Variants in IDE observed in about 807,000 individuals in gnomAD.
IDE encodes the protein insulin degrading enzyme, also known as insulin-degrading enzyme.
IDE carries 58 observed loss-of-function variants against 133.2 expected under a neutral mutation model. That is an observed-to-expected ratio of 0.44 (90% CI 0.35 to 0.54). The LOEUF (loss-of-function observed/expected upper bound fraction) is 0.54, where lower values mean the gene tolerates loss of function less well. Among genes scored for constraint, IDE ranks in the 20% least tolerant of loss-of-function variants. IDE has a pLI of 0.00. For missense variants in IDE, 981 were observed against 1,234.0 expected, an observed-to-expected ratio of 0.79 and a Z score of 3.07; for synonymous variants, 396 against 421.3, an observed-to-expected ratio of 0.94 and a Z score of 0.73.
chr10:92,557,580 C>A (rs1843071735), intron 1 of IDE, among the ~76,000 whole-genome samples: 1 of 151,606 alleles, frequency 6.6e-6, no homozygotes, highest in Non-Finnish European at 1.5e-5. Flanking sequence ...CAGAGTTAAA[C>A]CCTCACCTTT....
intron 14 of IDE, 174 bp from the exon 15 acceptor site, chr10:92,479,595 C>T (rs1337173853): frequency 1.7e-6 from 1 of 577,946 alleles, no homozygotes; most frequent in Non-Finnish European, 3.1e-6. Context: ...GAAAAAGAAG[C>T]CTGAAGTGTG....
rs1345592076 is a variant in IDE, at chr10:92,483,247, TTACA to T, written c.1739+4_1739+7del. 5.4e-6 allele frequency: 8 copies of T among 1,471,670 alleles called. No individual in the cohort carries two copies. In the African/African-American group the frequency reaches 1.1e-4, roughly 20 times the overall value. 91.2% of individuals were successfully genotyped at this position (1,471,670 alleles called of 1,614,324 possible). A position where few individuals can be genotyped will look rare whatever the true frequency, so the allele number is the denominator to read the frequency against. ...ATAAGCTTTATAAGCTAGATTCATC[TTACA>T]TACCTGAAAAATTCAAAGTTGAGAC... is the stretch of plus-strand genomic sequence containing the variant. On this transcript the variant is annotated splice_donor_5th_base_variant and intron_variant, in intron 14 of 24. Coordinates refer to ENST00000265986, the MANE Select transcript of IDE (RefSeq NM_004969.4).
chr10:92,540,679 T>C (rs995808566), intron 1 of IDE, among the ~76,000 whole-genome samples: 6 of 152,164 alleles, frequency 3.9e-5, no homozygotes, highest in Non-Finnish European at 8.8e-5. Context: ...ATGATGATGA[T>C]GGTCTAAAAC....
intron 1 of IDE, among the ~76,000 whole-genome samples, chr10:92,555,911 C>T (rs953012056): frequency 3.9e-5 from 6 of 152,236 alleles, no homozygotes; most frequent in African/African-American, 9.6e-5. Flanking sequence ...CGGTGGCTCA[C>T]GCCTGTAATC....
At chr10:92,573,484 TGAG>T (rs760278574) in intron 1 of IDE, among the ~76,000 whole-genome samples, 1 of 152,104 alleles carries the variant, frequency 6.6e-6, no homozygotes, top group Non-Finnish European at 1.5e-5. Context: ...GAGGGCAAGG[TGAG>T]AAGCGGTCCC....
Position 92,566,369 on chromosome 10 carries a change from A to T in IDE, c.98+7553T>A, listed in dbSNP as rs1843545118. Among the ~76,000 whole-genome samples, 3 of 150,500 alleles carry T rather than the reference A, an allele frequency of 2.0e-5. No homozygotes were observed. The South Asian group carries it at 6.3e-4, about 31-fold the overall frequency. Reference sequence around the variant, plus strand: ...ATCACGCCACTGCACTCCACCTAGGAGTGACAGAGTCAGACTCTATCTCTC... The same window carrying T: ...ATCACGCCACTGCACTCCACCTAGGTGTGACAGAGTCAGACTCTATCTCTC... On this transcript the variant is annotated intron_variant, in intron 1 of 24. Transcript: ENST00000265986.
At position 92,514,957 on chromosome 10, in the gene IDE, A is replaced by C; in HGVS notation, c.747T>G (p.Tyr249Ter). ...CACAAACAGCCATTAAGTTGGATGA[A>C]TAGTAAGCAGAATGGAATTTCAGTA... ...QELLKFHSAY[Y>*]SSNLMAVCVL... Residue 249 changes from tyrosine to a stop codon, truncating the protein, a stop_gained, in exon 5 of 25, where the codon TAT becomes TAG. Coordinates refer to ENST00000265986, the MANE Select transcript of IDE (RefSeq NM_004969.4). LOFTEE classifies it high-confidence loss of function. The C allele has an allele frequency of 1.2e-6, 2 of 1,613,088 alleles. No individual in the cohort carries two copies. The highest frequency in any genetic ancestry group is 1.7e-6 in the Non-Finnish European group (2 of 1,179,172).
intron 11 of IDE, among the ~76,000 whole-genome samples, chr10:92,499,521 C>T (rs1174852119): frequency 6.6e-6 from 1 of 152,292 alleles, no homozygotes; most frequent in African/African-American, 2.4e-5. Flanking sequence ...CAACCTCCAC[C>T]TCCTGGGCTC....
chr10:92,482,170 A>C (rs916250788), intron 14 of IDE, among the ~76,000 whole-genome samples: 41 of 152,308 alleles, frequency 2.7e-4, no homozygotes, highest in African/African-American at 9.9e-4. Flanking sequence ...CTCTAATTTC[A>C]TGTCAAGCCA....
chr10:92,455,464 G>A (rs1844943669), intron 24 of IDE, 112 bp downstream of exon 24: 10 of 690,286 alleles, frequency 1.4e-5, no homozygotes, highest in Non-Finnish European at 1.8e-5. Flanking sequence ...CTGGGTGACT[G>A]AGTGAGACTC....
chr10:92,515,093 T>C (rs752373488), intron 4 of IDE, 51 bp from the exon 5 acceptor site: 1 of 1,488,056 alleles, frequency 6.7e-7, no homozygotes, highest in Admixed American at 2.0e-5. Flanking sequence ...ATGTGGACTT[T>C]TAAAGTTTTG....
At chr10:92,512,144 G>C (rs1437442061) in intron 5 of IDE, among the ~76,000 whole-genome samples, 1 of 152,162 alleles carries the variant, frequency 6.6e-6, no homozygotes, top group African/African-American at 2.4e-5. Context: ...TGTGGCAAGT[G>C]TTCAGATAAT....
At chr10:92,551,624 A>C (rs181508765) in intron 1 of IDE, among the ~76,000 whole-genome samples, 39 of 152,086 alleles carry the variant, frequency 2.6e-4, no homozygotes, top group African/African-American at 8.4e-4. Flanking sequence ...CAAATACTAC[A>C]CAACTCCACT....
chr10:92,482,305 C>A (rs757456583), intron 14 of IDE, among the ~76,000 whole-genome samples: 6 of 152,074 alleles, frequency 3.9e-5, no homozygotes, highest in Non-Finnish European at 7.4e-5. Flanking sequence ...TATAAACTCA[C>A]AAAGTAAAAT....
intron 4 of IDE, among the ~76,000 whole-genome samples, chr10:92,523,301 A>G (rs748993953): frequency 5.3e-4 from 80 of 152,074 alleles, no homozygotes; most frequent in Non-Finnish European, 9.1e-4. Context: ...GAATCGTTTG[A>G]ACCCAGGAGA....
At chr10:92,552,014 ATTCT>A (rs1018161756) in intron 1 of IDE, among the ~76,000 whole-genome samples, 2 of 152,166 alleles carry the variant, frequency 1.3e-5, no homozygotes, top group Non-Finnish European at 2.9e-5. Flanking sequence ...TATGTTACAT[ATTCT>A]TTATCACAAT....
At chr10:92,465,642 A>T (rs1334269661) in intron 20 of IDE, 34 bp downstream of exon 20, 1 of 1,578,106 alleles carries the variant, frequency 6.3e-7, no homozygotes, top group Admixed American at 1.7e-5. Flanking sequence ...ATCAAAGTCT[A>T]CAGTACCCTG....
chr10:92,523,249 C>T (rs571321083), intron 4 of IDE, among the ~76,000 whole-genome samples: 1 of 151,984 alleles, frequency 6.6e-6, no homozygotes, highest in East Asian at 1.9e-4. Context: ...GGTGTGATGG[C>T]ACCTGCCTTT....
chr10:92,474,739 C>A, intron 17 of IDE, 102 bp downstream of exon 17: 1 of 1,051,516 alleles, frequency 9.5e-7, no homozygotes, highest in Non-Finnish European at 1.4e-6. Context: ...TTTAATAGAA[C>A]TACAAGTTAT....
Sources: allele counts gnomAD v4.1 joint callset (sites outside exome capture counted in the v4.1 genomes callset), GRCh38; gene constraint gnomAD v4.1.1; transcripts MANE v1.5; gene names NCBI Gene and HGNC (gene_info 2026-07-23, HGNC 2026-07-21).